The following RSU1 variants were observed in gnomAD, a reference collection of about 807,000 sequenced individuals.
The protein encoded by RSU1 is rsu-1.
A neutral mutation model predicts 31.1 loss-of-function variants in RSU1; 26 were observed. The ratio of observed to expected loss-of-function variants is 0.84; its 90% CI spans 0.61 to 1.16. RSU1 has a LOEUF of 1.16. Ranked by LOEUF, RSU1 falls within the 50% of genes most tolerant of loss-of-function variation. The probability of loss-of-function intolerance (pLI) is 0.00; values close to 1 mark genes in which losing one functional copy is unlikely to be tolerated. For missense variants in RSU1, 320 were observed against 339.1 expected, an observed-to-expected ratio of 0.94 and a Z score of 0.44; for synonymous variants, 164 against 136.3, an observed-to-expected ratio of 1.20 and a Z score of -1.41.
intron 8 of RSU1, among the ~76,000 whole-genome samples, chr10:16,638,617 G>A (rs1834388347): frequency 6.6e-6 from 1 of 152,212 alleles, no homozygotes; most frequent in African/African-American, 2.4e-5. Flanking sequence ...TCTCGGAGAT[G>A]GTAATGGATG....
chr10:16,650,576 C>CTTTTTTTTT (rs139231306), intron 8 of RSU1, among the ~76,000 whole-genome samples: 1 of 112,558 alleles, frequency 8.9e-6, no homozygotes, highest in African/African-American at 3.6e-5. Context: ...TCCTGAAAAG[C>CTTTTTTTTT]TTTTTTTTTT....
intron 7 of RSU1, among the ~76,000 whole-genome samples, chr10:16,733,061 G>T (rs1836547567): frequency 6.6e-6 from 1 of 152,070 alleles, no homozygotes; most frequent in African/African-American, 2.4e-5. Flanking sequence ...CTATCTTAGG[G>T]AAGATAAGCA....
chr10:16,673,101 T>C (rs535460996), intron 8 of RSU1, among the ~76,000 whole-genome samples: 7 of 152,192 alleles, frequency 4.6e-5, no homozygotes, highest in South Asian at 2.1e-4. Context: ...AGGCACTTCA[T>C]AGTTTTTGTA....
At chr10:16,738,837 G>T (rs1373596000) in intron 7 of RSU1, among the ~76,000 whole-genome samples, 3 of 151,926 alleles carry the variant, frequency 2.0e-5, no homozygotes, top group African/African-American at 7.3e-5. Context: ...TTAGGTATTT[G>T]TCCTAATGCT....
At chr10:16,594,737 A>ATTT (rs1156346988) in intron 8 of RSU1, among the ~76,000 whole-genome samples, 1 of 145,350 alleles carries the variant, frequency 6.9e-6, no homozygotes, top group Non-Finnish European at 1.5e-5. Context: ...AATATATCAT[A>ATTT]TATATCATAT....
intron 2 of RSU1, among the ~76,000 whole-genome samples, chr10:16,812,124 C>T (rs893266979): frequency 1.4e-4 from 22 of 152,212 alleles, no homozygotes; most frequent in African/African-American, 5.1e-4. Context: ...GGCACATACA[C>T]ACAACCTAGA....
At chr10:16,615,823 C>T (rs978297115) in intron 8 of RSU1, among the ~76,000 whole-genome samples, 4 of 152,190 alleles carry the variant, frequency 2.6e-5, no homozygotes, top group African/African-American at 9.6e-5. Context: ...TCTCTGAAAC[C>T]AATGAGAACA....
chr10:16,598,748 G>C (rs1417908450), intron 8 of RSU1, among the ~76,000 whole-genome samples: 1 of 152,202 alleles, frequency 6.6e-6, no homozygotes, highest in Non-Finnish European at 1.5e-5. Context: ...TCAGACTTCT[G>C]ACCTCCAGAA....
intron 8 of RSU1, among the ~76,000 whole-genome samples, chr10:16,666,061 G>A (rs1418142188): frequency 1.3e-5 from 2 of 152,022 alleles, no homozygotes; most frequent in East Asian, 1.9e-4. Flanking sequence ...TATGATATCT[G>A]CATTTTTGGC....
chr10:16,622,243 A>C (rs532897008), intron 8 of RSU1, among the ~76,000 whole-genome samples: 19 of 152,248 alleles, frequency 1.2e-4, no homozygotes, highest in Non-Finnish European at 2.2e-4. Context: ...AACAGATTCA[A>C]CTGGAGGCTG....
chr10:16,782,342 G>A (rs1406986575), intron 2 of RSU1, among the ~76,000 whole-genome samples: 5 of 152,264 alleles, frequency 3.3e-5, no homozygotes, highest in East Asian at 3.9e-4. Context: ...CCAACATGAC[G>A]AGGGCCAGTT....
In RSU1 at chr10:16,817,401, G is replaced by C. The variant is rs2248852; in HGVS notation, c.-90C>G. On this transcript the variant is annotated 5_prime_UTR_variant, in exon 1 of 9. Transcript: ENST00000345264. ...AGCTGCCCTCACTCCCTGCAACACC[G>C]GCACTGAACAGCGAACACGCCCTGT... 0.14 allele frequency: 42,080 copies of C among 306,668 alleles called. 3,808 individuals carry two copies. Among genetic ancestry groups the C allele is most frequent in the East Asian group, 0.31 (3,981 of 12,778 alleles). 19.0% of individuals were successfully genotyped at this position (306,668 alleles called of 1,614,324 possible). A position where few individuals can be genotyped will look rare whatever the true frequency, so the allele number is the denominator to read the frequency against.
At chr10:16,764,256 A>T in intron 4 of RSU1, 134 bp downstream of exon 4, 1 of 1,069,882 alleles carries the variant, frequency 9.3e-7, no homozygotes, top group Non-Finnish European at 1.3e-6. Context: ...AAATTTTTTT[A>T]AGACCCAAAA....
chr10:16,791,196 T>A (rs1837904654), intron 2 of RSU1, among the ~76,000 whole-genome samples: 1 of 152,100 alleles, frequency 6.6e-6, no homozygotes. Flanking sequence ...CCAGCTAATT[T>A]TTCTATGTTT....
At chr10:16,711,098 A>G (rs1056639953) in intron 7 of RSU1, among the ~76,000 whole-genome samples, 2 of 152,172 alleles carry the variant, frequency 1.3e-5, no homozygotes, top group African/African-American at 4.8e-5. Flanking sequence ...ACTAGTTATT[A>G]GTCTGTTCAG....
At chr10:16,765,362 A>T (rs910673030) in intron 3 of RSU1, among the ~76,000 whole-genome samples, 1 of 152,182 alleles carries the variant, frequency 6.6e-6, no homozygotes, top group Non-Finnish European at 1.5e-5. Flanking sequence ...ACATATACAC[A>T]CACAAAGGTT....
At chr10:16,696,165 C>G (rs1326481179) in intron 7 of RSU1, among the ~76,000 whole-genome samples, 1 of 152,194 alleles carries the variant, frequency 6.6e-6, no homozygotes, top group Non-Finnish European at 1.5e-5. Flanking sequence ...AATTTTCACA[C>G]TTCTCATCCA....
intron 8 of RSU1, among the ~76,000 whole-genome samples, chr10:16,684,212 A>G (rs983079892): frequency 7.9e-5 from 12 of 152,360 alleles, no homozygotes; most frequent in Admixed American, 4.6e-4. Context: ...TTCAAAATAT[A>G]GCAAAGAAAC....
intron 8 of RSU1, among the ~76,000 whole-genome samples, chr10:16,628,310 G>A (rs1380361317): frequency 6.6e-6 from 1 of 152,190 alleles, no homozygotes; most frequent in Non-Finnish European, 1.5e-5. Context: ...TAAAATCAAA[G>A]ACTATGTCAT....
Sources: allele counts gnomAD v4.1 joint callset (sites outside exome capture counted in the v4.1 genomes callset), GRCh38; gene constraint gnomAD v4.1.1; transcripts MANE v1.5; gene names NCBI Gene and HGNC (gene_info 2026-07-23, HGNC 2026-07-21).